Variants in PIGT observed in about 807,000 individuals in gnomAD.
PIGT encodes the protein phosphatidylinositol glycan anchor biosynthesis class T.
A neutral mutation model predicts 66.7 loss-of-function variants in PIGT; 57 were observed. That is an observed-to-expected ratio of 0.86 (90% CI 0.69 to 1.07). PIGT has a LOEUF of 1.07. PIGT is among the 50% of genes least tolerant of loss of function. The pLI, the probability that PIGT is intolerant of heterozygous loss-of-function variation, is 0.00. For synonymous variants in PIGT, 362 were observed against 320.5 expected (o/e 1.13, Z -1.38); for missense variants, 725 against 740.4 (o/e 0.98, Z 0.24).
Position 45,426,183 on chromosome 20 carries a change from A to T in PIGT, c.*357A>T, listed in dbSNP as rs1990731082. The T allele has an allele frequency of 3.4e-6, 1 of 295,418 alleles. No homozygotes were observed. Among genetic ancestry groups the T allele is most frequent in the African/African-American group, 2.1e-5 (1 of 46,774 alleles). 18.3% of individuals were successfully genotyped at this position (295,418 alleles called of 1,614,324 possible). On this transcript the variant is annotated 3_prime_UTR_variant, in exon 12 of 12. Coordinates refer to ENST00000279036, the MANE Select transcript of PIGT (RefSeq NM_015937.6). ...GGTGATGGGGTGTGCTACACAGTGT[A>T]TGTCACTGTGTAGTGGATGGAGTTT...
In PIGT at chr20:45,418,900, C is replaced by T; in HGVS notation, c.414C>T (p.Phe138=). The part of the protein sequence containing the change: ...KELSNVLSGI[F]CASLNFIDST... ...TCAGTAATGTCCTCTCAGGGATCTT[C>T]TGCGCCTCTCTCAACTTCATCGACT... The change falls in exon 3 of 12, where the codon TTC becomes TTT. Residue 138 remains phenylalanine, a synonymous_variant. Transcript: ENST00000279036. 1 of 1,614,086 alleles carries T rather than the reference C, an allele frequency of 6.2e-7. No homozygotes were observed.
intron 9 of PIGT, 41 bp from the exon 10 acceptor site, chr20:45,424,175 G>T: frequency 1.2e-6 from 2 of 1,601,778 alleles, no homozygotes; most frequent in South Asian, 2.2e-5. Context: ...CAGGTAGCCT[G>T]ACCCCAGGAA....
chr20:45,416,388 G>C, intron 1 of PIGT, 45 bp downstream of exon 1: 1 of 1,553,044 alleles, frequency 6.4e-7, no homozygotes, highest in Non-Finnish European at 8.7e-7. Context: ...CGTAGTGCCT[G>C]CTGGCTGGCC....
intron 11 of PIGT, chr20:45,425,185 TTCTTTCTTTCTTTCTTTCTTTC>T (rs1990655803): frequency 6.9e-6 from 1 of 144,896 alleles, no homozygotes; most frequent in Non-Finnish European, 1.5e-5. Flanking sequence ...CTTTCTTTCT[TTCTTTCTTTCTTTCTTTCTTTC>T]TCTTTCTTTC....
intron 9 of PIGT, chr20:45,422,181 A>G (rs931549939): frequency 6.6e-6 from 1 of 152,154 alleles, no homozygotes; most frequent in South Asian, 2.1e-4. Flanking sequence ...CCTCTGAGGA[A>G]GAGGTTGTAC....
At chr20:45,424,109 C>T in intron 9 of PIGT, 107 bp from the exon 10 acceptor site, 1 of 1,006,248 alleles carries the variant, frequency 9.9e-7, no homozygotes, top group Non-Finnish European at 1.5e-6. Context: ...GCTCCCAAGC[C>T]CATCTTCTAG....
chr20:45,424,135 CT>C, intron 9 of PIGT, 80 bp from the exon 10 acceptor site: 2 of 1,348,814 alleles, frequency 1.5e-6, no homozygotes, highest in Non-Finnish European at 2.1e-6. Flanking sequence ...CAGATTGAGG[CT>C]CCATGGCAAG....
chr20:45,416,916 A>G (rs1161900236), intron 2 of PIGT: 1 of 420,312 alleles, frequency 2.4e-6, no homozygotes, highest in East Asian at 3.7e-5. Flanking sequence ...TGGAGAGGCA[A>G]ATAGCAAACA....
In PIGT at chr20:45,425,554, C is replaced by T. The variant is rs762138146; in HGVS notation, c.1485-20C>T. The T allele has an allele frequency of 1.1e-5, 17 of 1,609,178 alleles. No homozygotes were observed. The highest frequency in any genetic ancestry group is 3.3e-4 in the Middle Eastern group (2 of 6,066). On this transcript the variant is annotated intron_variant, in intron 11 of 11. Coordinates refer to ENST00000279036, the MANE Select transcript of PIGT (RefSeq NM_015937.6). ...GGAGGAGCAGCCAGTCCTGTCTCAC[C>T]GCTCTTCCCCTGACCCCAGGTTCCC...
chr20:45,423,671 C>T (rs1600820985), intron 9 of PIGT: 1 of 151,608 alleles, frequency 6.6e-6, no homozygotes, highest in African/African-American at 2.5e-5. Flanking sequence ...TGGTACTCTT[C>T]AGTCTCTCTT....
In PIGT at chr20:45,425,637, C is replaced by G. The variant is rs1490471967; in HGVS notation, c.1548C>G (p.Asn516Lys). ...VRLYTEPLLVNLPTPDFSMPY... is the reference protein window; with the variant it reads ...VRLYTEPLLVKLPTPDFSMPY... ...TCTACACGGAGCCGCTGCTGGTGAA[C>G]CTGCCGACACCGGACTTCAGCATGC... The change falls in exon 12 of 12, where the codon AAC becomes AAG. Residue 516 changes from asparagine (N) to lysine (K), a missense_variant. Coordinates refer to ENST00000279036, the MANE Select transcript of PIGT (RefSeq NM_015937.6). 2.5e-6 allele frequency: 4 copies of G among 1,614,000 alleles called. No homozygotes were observed. Among genetic ancestry groups the G allele is most frequent in the Non-Finnish European group, 3.4e-6 (4 of 1,180,012 alleles).
Position 45,420,684 on chromosome 20 carries a change from C to T in PIGT, c.1024C>T (p.Pro342Ser), listed in dbSNP as rs749744797. The T allele has an allele frequency of 6.2e-7, 1 of 1,613,908 alleles. No homozygotes were observed. Among genetic ancestry groups the T allele is most frequent in the East Asian group, 2.2e-5 (1 of 44,832 alleles). ...CATCCAGCTCAAGTGGAAGAGACCC[C>T]CAGAGAATGGTGAGTGGGTGGTTGG... ...LNIQLKWKRPPENEAPPVPFL... is the reference protein window; with the variant it reads ...LNIQLKWKRPSENEAPPVPFL... Residue 342 changes from proline to serine, a missense_variant, in exon 8 of 12, where the codon CCA becomes TCA. Pro to Ser is a moderately conservative substitution (Grantham distance 74). Transcript: ENST00000279036.
At chr20:45,424,194 G>A (rs866252952) in intron 9 of PIGT, 22 bp from the exon 10 acceptor site, 2 of 1,611,850 alleles carry the variant, frequency 1.2e-6, no homozygotes, top group Non-Finnish European at 1.7e-6. Context: ...AAAGAGATGT[G>A]GGTGACCTTG....
Position 45,420,560 on chromosome 20 carries a change from G to C in PIGT, c.900G>C (p.Pro300=). Residue 300 remains proline (P), a synonymous_variant, in exon 8 of 12, where the codon CCG becomes CCC. Transcript: ENST00000279036. ...DNETLEVHPP[P]TTTYQDVILG... The stretch of plus-strand genomic sequence containing the variant: ...AGACATTAGAGGTGCACCCACCCCC[G>C]ACCACTACATATCAGGACGTCATCC... The C allele has an allele frequency of 6.2e-7, 1 of 1,613,474 alleles. No individual in the cohort carries two copies. Among genetic ancestry groups the C allele is most frequent in the Non-Finnish European group, 8.5e-7 (1 of 1,179,932 alleles).
chr20:45,420,339 C>T lies in PIGT; in HGVS notation c.777C>T (p.Ser259=), dbSNP rs764520337. The T allele has an allele frequency of 1.2e-6, 2 of 1,612,622 alleles. No individual in the cohort carries two copies. Among genetic ancestry groups the T allele is most frequent in the Admixed American group, 1.7e-5 (1 of 59,880 alleles). The stretch of plus-strand genomic sequence containing the variant: ...CTGCGCTCTGTTTCTCAGACTGGTC[C>T]CTCTTCCGGATGTTCTCCCGAACCC... The part of the protein sequence containing the change: ...FITGQGKKDW[S]LFRMFSRTLT... Residue 259 remains serine (S), a synonymous_variant, in exon 7 of 12, where the codon TCC becomes TCT. Coordinates refer to ENST00000279036, the MANE Select transcript of PIGT (RefSeq NM_015937.6).
In PIGT at chr20:45,425,655, C is replaced by G. The variant is rs1310460128; in HGVS notation, c.1566C>G (p.Phe522Leu). 1 of 1,614,068 alleles carries G rather than the reference C, an allele frequency of 6.2e-7. No individual in the cohort carries two copies. The highest frequency in any genetic ancestry group is 2.2e-5 in the East Asian group (1 of 44,876). The change falls in exon 12 of 12, where the codon TTC becomes TTG. Residue 522 changes from phenylalanine (F) to leucine (L), a missense_variant. This residue lies in a region of PIGT where 162 missense variants were observed against 171.1 expected (regional missense o/e 0.95). Transcript: ENST00000279036. ...TGGTGAACCTGCCGACACCGGACTTCAGCATGCCCTACAACGTGATCTGCC... is the reference window on the plus strand; with the variant it reads ...TGGTGAACCTGCCGACACCGGACTTGAGCATGCCCTACAACGTGATCTGCC... ...PLLVNLPTPD[F>L]SMPYNVICLT...
intron 9 of PIGT, chr20:45,423,517 A>G (rs1990513538): frequency 6.6e-6 from 1 of 151,620 alleles, no homozygotes; most frequent in Non-Finnish European, 1.5e-5. Context: ...AAAAAAAAAA[A>G]GTTTCTTTTT....
intron 2 of PIGT, 106 bp from the exon 3 acceptor site, chr20:45,418,746 A>T: frequency 7.1e-7 from 1 of 1,417,618 alleles, no homozygotes; most frequent in Non-Finnish European, 9.9e-7. Context: ...TCTAATAGTT[A>T]AGAATACAGC....
Position 45,420,557 on chromosome 20 carries a change from C to G in PIGT, c.897C>G (p.Pro299=). ...QDNETLEVHP[P]PTTTYQDVIL... ...ACGAGACATTAGAGGTGCACCCACC[C>G]CCGACCACTACATATCAGGACGTCA... Residue 299 remains proline (P), a synonymous_variant, in exon 8 of 12, where the codon CCC becomes CCG. Transcript: ENST00000279036. 6.2e-7 allele frequency: 1 copy of G among 1,613,806 alleles called. No individual in the cohort carries two copies. Among genetic ancestry groups the G allele is most frequent in the East Asian group, 2.2e-5 (1 of 44,822 alleles).
Sources: gnomAD v4.1 joint callset for allele counts on GRCh38, gnomAD v4.1.1 for gene constraint, gnomAD v4.1.1 regional missense constraint, MANE v1.5 for transcripts, NCBI Gene and HGNC (gene_info 2026-07-23, HGNC 2026-07-21) for gene names.